BCL2L1: variants seen among roughly 807,000 people sequenced by gnomAD.
BCL2L1 encodes bcl-2-like protein 1.
BCL2L1 carries 1 observed loss-of-function variant against 18.7 expected under a neutral mutation model. That is an observed-to-expected ratio of 0.05 (90% CI 0.02 to 0.25). The LOEUF is 0.25. Ranked by LOEUF, BCL2L1 falls within the 10% of genes least tolerant of loss-of-function variation. BCL2L1 has a pLI of 1.00. For synonymous variants in BCL2L1, 103 were observed against 122.7 expected, an observed-to-expected ratio of 0.84 and a Z score of 1.06; for missense variants, 207 against 304.9, an observed-to-expected ratio of 0.68 and a Z score of 2.39.
At chr20:31,711,486 C>T (rs1242077516) in intron 2 of BCL2L1, among the ~76,000 whole-genome samples, 2 of 152,220 alleles carry the variant, frequency 1.3e-5, no homozygotes, top group African/African-American at 4.8e-5. Context: ...CAGCAAGACC[C>T]AAGGTGTGGA....
intron 2 of BCL2L1, among the ~76,000 whole-genome samples, chr20:31,692,422 C>T (rs776191543): frequency 7.2e-5 from 11 of 152,200 alleles, no homozygotes; most frequent in Non-Finnish European, 1.2e-4. Flanking sequence ...GGATCTCAAC[C>T]TTGAATGAAA....
chr20:31,714,365 T>C (rs1397497605), intron 2 of BCL2L1, among the ~76,000 whole-genome samples: 1 of 152,156 alleles, frequency 6.6e-6, no homozygotes. Context: ...ACACAAACAC[T>C]GTGGAGCTCC....
intron 2 of BCL2L1, among the ~76,000 whole-genome samples, chr20:31,668,745 C>G (rs1476033272): frequency 6.6e-6 from 1 of 151,770 alleles, no homozygotes; most frequent in Non-Finnish European, 1.5e-5. Flanking sequence ...GCTGGGATTA[C>G]AGGCGCGTGC....
rs1401883242 is a variant in BCL2L1, at chr20:31,722,363, A to G, written c.-130-15T>C. The G allele has an allele frequency of 7.0e-6, 4 of 569,050 alleles. No individual in the cohort carries two copies. The highest frequency in any genetic ancestry group is 5.1e-5 in the South Asian group (1 of 19,492). 35.3% of individuals were successfully genotyped at this position (569,050 alleles called of 1,614,324 possible). ...GAGAGAAAGAGCTTCAGGAAAAAAA[A>G]ATAATTAATATGCATGCCATTTACC... On this transcript the variant is annotated splice_polypyrimidine_tract_variant and intron_variant, in intron 1 of 2. Transcript: ENST00000307677.
chr20:31,683,769 CAAAAAAAA>C (rs372160646), intron 2 of BCL2L1, among the ~76,000 whole-genome samples: 71 of 80,632 alleles, frequency 8.8e-4, no homozygotes, highest in African/African-American at 2.1e-3. Context: ...AACTCCATCT[CAAAAAAAA>C]AAAAAAAAAA....
chr20:31,721,727 A>T lies in BCL2L1; in HGVS notation c.492T>A (p.Ser164Arg). 6.2e-7 allele frequency: 1 copy of T among 1,613,836 alleles called. No homozygotes were observed. Among genetic ancestry groups the T allele is most frequent in the Non-Finnish European group, 8.5e-7 (1 of 1,179,932 alleles). ...AAGTGGCCATCCAAGCTGCGATCCGACTCACCAATACCTGCATCTCCTTGT... is the reference window on the plus strand; with the variant it reads ...AAGTGGCCATCCAAGCTGCGATCCGTCTCACCAATACCTGCATCTCCTTGT... ...SVDKEMQVLV[S>R]RIAAWMATYL... Residue 164 changes from serine (S) to arginine (R), a missense_variant, in exon 2 of 3, where the codon AGT (serine) becomes AGA (arginine). Transcript: ENST00000307677.
chr20:31,707,045 C>A (rs184759698), intron 2 of BCL2L1, among the ~76,000 whole-genome samples: 6 of 152,288 alleles, frequency 3.9e-5, no homozygotes, highest in Admixed American at 6.5e-5. Flanking sequence ...ATGCTCCTAC[C>A]CACTTTAAAT....
chr20:31,696,139 T>A lies in BCL2L1; in HGVS notation c.564+25516A>T, dbSNP rs556803439. ...CCTTGGAATGTCCACTGGGTGAGAA[T>A]AGGGACTTTGGTTCGTTCAGACTGT... On this transcript the variant is annotated intron_variant, in intron 2 of 2. Transcript: ENST00000307677. Among the ~76,000 whole-genome samples the A allele has an allele frequency of 3.3e-5, 5 of 152,352 alleles. 1 individual carries two copies. The highest frequency in any genetic ancestry group is 3.3e-4 in the Admixed American group (5 of 15,306).
At chr20:31,688,476 G>A (rs2061000772) in intron 2 of BCL2L1, among the ~76,000 whole-genome samples, 3 of 149,476 alleles carry the variant, frequency 2.0e-5, no homozygotes, top group African/African-American at 4.9e-5. Flanking sequence ...AAAAGAAAAA[G>A]AAAAGAAAAG....
chr20:31,701,603 A>G (rs1600869378), intron 2 of BCL2L1, among the ~76,000 whole-genome samples: 1 of 152,212 alleles, frequency 6.6e-6, no homozygotes, highest in African/African-American at 2.4e-5. Flanking sequence ...AGGTTCCAAT[A>G]AAAAATAAGA....
rs573219868 is a variant in BCL2L1, at chr20:31,694,254, C to T, written c.564+27401G>A. On this transcript the variant is annotated intron_variant, in intron 2 of 2. Transcript: ENST00000307677. ...GATGGGTGGTGGGCTTCTGTCAGAG[C>T]CCCTCCATCTGGTAAGGAAGTTTGC... 1.4e-4 allele frequency among the ~76,000 whole-genome samples: 22 copies of T among 152,170 alleles called. No individual in the cohort carries two copies. The South Asian group carries it at 3.5e-3, about 24-fold the overall frequency.
chr20:31,701,966 T>C (rs553344993), intron 2 of BCL2L1, among the ~76,000 whole-genome samples: 2 of 152,290 alleles, frequency 1.3e-5, no homozygotes, highest in South Asian at 4.1e-4. Context: ...TATATTCTAA[T>C]AGAAGAGACA....
chr20:31,717,279 A>T (rs2061551625), intron 2 of BCL2L1, among the ~76,000 whole-genome samples: 2 of 152,210 alleles, frequency 1.3e-5, no homozygotes, highest in African/African-American at 4.8e-5. Context: ...CTCAGGACAG[A>T]TATCTGCTGG....
At chr20:31,667,394 G>A (rs2060603653) in intron 2 of BCL2L1, among the ~76,000 whole-genome samples, 1 of 151,770 alleles carries the variant, frequency 6.6e-6, no homozygotes, top group African/African-American at 2.4e-5. Context: ...CCGGGAGACG[G>A]AGGTTGCAGT....
chr20:31,695,592 G>A (rs73245823), intron 2 of BCL2L1, among the ~76,000 whole-genome samples: 12 of 152,264 alleles, frequency 7.9e-5, no homozygotes, highest in African/African-American at 2.2e-4. Context: ...TCAGTGTCCC[G>A]AGTAGCTAGC....
At chr20:31,687,266 T>C (rs1165054780) in intron 2 of BCL2L1, among the ~76,000 whole-genome samples, 2 of 152,144 alleles carry the variant, frequency 1.3e-5, no homozygotes, top group African/African-American at 4.8e-5. Context: ...TAAGCACAGA[T>C]GGGTCATCCC....
intron 2 of BCL2L1, among the ~76,000 whole-genome samples, chr20:31,714,624 G>T (rs2061500503): frequency 6.6e-6 from 1 of 152,116 alleles, no homozygotes; most frequent in African/African-American, 2.4e-5. Context: ...ATTCAGAGAG[G>T]TAAAAGGAGC....
chr20:31,689,692 G>C (rs972003755), intron 2 of BCL2L1, among the ~76,000 whole-genome samples: 11 of 152,048 alleles, frequency 7.2e-5, no homozygotes, highest in Non-Finnish European at 1.2e-4. Flanking sequence ...AATTGGCTCT[G>C]AAGAATACAA....
intron 2 of BCL2L1, among the ~76,000 whole-genome samples, chr20:31,719,058 A>C (rs2061582909): frequency 6.6e-6 from 1 of 152,198 alleles, no homozygotes; most frequent in South Asian, 2.1e-4. Flanking sequence ...AAAGACCTTC[A>C]TGTGTAAACT....
Sources: gnomAD v4.1 joint callset for allele counts (sites outside exome capture counted in the v4.1 genomes callset) on GRCh38, gnomAD v4.1.1 for gene constraint, MANE v1.5 for transcripts, NCBI Gene and HGNC (gene_info 2026-07-23, HGNC 2026-07-21) for gene names.